The following ESRRG variants were observed in gnomAD, a reference collection of about 807,000 sequenced individuals.
The protein encoded by ESRRG is estrogen related receptor gamma.
ESRRG carries 13 observed loss-of-function variants against 44.0 expected under a neutral mutation model. The ratio of observed to expected loss-of-function variants is 0.30; its 90% CI spans 0.19 to 0.47. ESRRG has a LOEUF of 0.47. Among genes scored for constraint, ESRRG ranks in the 20% least tolerant of loss-of-function variants. ESRRG has a pLI of 1.00. For synonymous variants in ESRRG, 215 were observed against 214.6 expected (o/e 1.00, Z -0.02); for missense variants, 395 against 580.6 (o/e 0.68, Z 3.29).
chr1:217,090,013 A>T (rs1041818950), upstream of ESRRG, among the ~76,000 whole-genome samples: 4 of 152,144 alleles, frequency 2.6e-5, no homozygotes, highest in Admixed American at 6.5e-5. Context: ...TTCTCTTTTT[A>T]AAAATAAATA....
intron 3 of ESRRG, among the ~76,000 whole-genome samples, chr1:216,576,337 CTTT>C (rs35207125): frequency 2.1e-5 from 3 of 145,706 alleles, no homozygotes; most frequent in Non-Finnish European, 3.0e-5. Context: ...ATTAGGAGGG[CTTT>C]TTTTTTTTTT....
At chr1:216,711,190 A>G (rs2083518353) in intron 1 of ESRRG, among the ~76,000 whole-genome samples, 1 of 152,158 alleles carries the variant, frequency 6.6e-6, no homozygotes, top group South Asian at 2.1e-4. Context: ...CCTATTGGCC[A>G]CTGCAGGACA....
intron 2 of ESRRG, among the ~76,000 whole-genome samples, chr1:216,871,518 A>ATAGTCTTGATGATTTTTTCTT (rs1474580646): frequency 1.3e-5 from 2 of 151,990 alleles, no homozygotes; most frequent in Non-Finnish European, 2.9e-5. Context: ...CAGTTCTTCT[A>ATAGTCTTGATGATTTTTTCTT]TAGTCTTGAT....
intron 3 of ESRRG, among the ~76,000 whole-genome samples, chr1:216,589,410 G>A (rs2057264564): frequency 6.6e-6 from 1 of 152,132 alleles, no homozygotes; most frequent in Non-Finnish European, 1.5e-5. Context: ...ATTAGTGTTA[G>A]TGTATTTCAT....
chr1:216,695,694 T>C (rs1037311585), intron 1 of ESRRG, among the ~76,000 whole-genome samples: 1 of 152,188 alleles, frequency 6.6e-6, no homozygotes, highest in African/African-American at 2.4e-5. Context: ...CTCTGTTTAC[T>C]AATGTTATGA....
intron 1 of ESRRG, among the ~76,000 whole-genome samples, chr1:217,136,636 A>T (rs113063793): frequency 0.044 from 6,658 of 152,188 alleles, 235 homozygotes; most frequent in Middle Eastern, 0.088. Context: ...AACGGATGGG[A>T]TCTACTTGAC....
chr1:216,643,759 A>C (rs1434027287), intron 3 of ESRRG, among the ~76,000 whole-genome samples: 1 of 152,250 alleles, frequency 6.6e-6, no homozygotes, highest in Non-Finnish European at 1.5e-5. Flanking sequence ...CCCTCAGAAC[A>C]GAATCCTAAG....
chr1:216,831,922 C>A (rs183983964), intron 2 of ESRRG, among the ~76,000 whole-genome samples: 7 of 152,132 alleles, frequency 4.6e-5, no homozygotes, highest in Admixed American at 1.3e-4. Flanking sequence ...ATTTATTGTT[C>A]TTTTTTCCCC....
intron 2 of ESRRG, among the ~76,000 whole-genome samples, chr1:216,914,985 T>C (rs947547356): frequency 6.6e-6 from 1 of 152,204 alleles, no homozygotes; most frequent in East Asian, 1.9e-4. Context: ...AAGATCTAAA[T>C]ATAAGTTGAA....
intron 2 of ESRRG, among the ~76,000 whole-genome samples, chr1:216,770,233 A>G (rs1040268491): frequency 6.6e-6 from 1 of 152,088 alleles, no homozygotes; most frequent in African/African-American, 2.4e-5. Context: ...CTGGTGGTCT[A>G]TAGAGGGGAA....
intron 1 of ESRRG, among the ~76,000 whole-genome samples, chr1:216,963,560 G>A (rs528023953): frequency 3.9e-5 from 6 of 152,266 alleles, no homozygotes; most frequent in African/African-American, 1.2e-4. Context: ...CAAGTTGAAT[G>A]AAGACTTGTC....
chr1:217,063,631 A>C (rs2089026562), intron 1 of ESRRG, among the ~76,000 whole-genome samples: 2 of 152,096 alleles, frequency 1.3e-5, no homozygotes, highest in African/African-American at 4.8e-5. Flanking sequence ...AGAAGCTAAA[A>C]CTCTCTAGAT....
At chr1:216,605,522 T>C (rs188657932) in intron 3 of ESRRG, among the ~76,000 whole-genome samples, 1 of 152,150 alleles carries the variant, frequency 6.6e-6, no homozygotes, top group Non-Finnish European at 1.5e-5. Context: ...CAAAAGGAAA[T>C]TTTTAAGGTG....
At chr1:216,859,711 C>G (rs971676098) in intron 2 of ESRRG, among the ~76,000 whole-genome samples, 2 of 152,122 alleles carry the variant, frequency 1.3e-5, no homozygotes, top group African/African-American at 4.8e-5. Flanking sequence ...AGACTGAGCC[C>G]TGTTCCAGTC....
At chr1:216,651,553 T>C (rs912732251) in intron 2 of ESRRG, among the ~76,000 whole-genome samples, 2 of 152,174 alleles carry the variant, frequency 1.3e-5, no homozygotes, top group Non-Finnish European at 2.9e-5. Context: ...GAAAATGATA[T>C]GTAAACAAAT....
chr1:217,006,504 A>G (rs2077759642), intron 1 of ESRRG, among the ~76,000 whole-genome samples: 1 of 152,132 alleles, frequency 6.6e-6, no homozygotes, highest in African/African-American at 2.4e-5. Flanking sequence ...GCTTAATAAC[A>G]AAGATTAATT....
chr1:216,974,175 A>T (rs914660091), intron 1 of ESRRG, among the ~76,000 whole-genome samples: 3 of 152,196 alleles, frequency 2.0e-5, no homozygotes, highest in Non-Finnish European at 4.4e-5. Flanking sequence ...GCTAATTAGA[A>T]AGACTATAGT....
chr1:216,628,340 G>C (rs554587514), intron 3 of ESRRG, among the ~76,000 whole-genome samples: 1 of 152,130 alleles, frequency 6.6e-6, no homozygotes, highest in Non-Finnish European at 1.5e-5. Context: ...CTGCAGACTT[G>C]CACTCCTGGG....
intron 1 of ESRRG, among the ~76,000 whole-genome samples, 158 bp from the exon 2 acceptor site, chr1:216,677,649 C>T (rs1487742955): frequency 6.6e-6 from 1 of 152,124 alleles, no homozygotes; most frequent in Non-Finnish European, 1.5e-5. Flanking sequence ...AAAGACATTG[C>T]TCTTTGAGAG....
Sources: allele counts gnomAD v4.1 joint callset (sites outside exome capture counted in the v4.1 genomes callset), GRCh38; gene constraint gnomAD v4.1.1; transcripts MANE v1.5; gene names NCBI Gene and HGNC (gene_info 2026-07-23, HGNC 2026-07-21).